The following CHN1 variants were observed in gnomAD, a reference collection of about 807,000 sequenced individuals.
The protein encoded by CHN1 is chimerin 1.
Under a neutral mutation model 59.5 loss-of-function variants are expected in CHN1, and 37 were observed. The observed-to-expected ratio is 0.62, with a 90% CI of 0.48 to 0.82. The LOEUF (loss-of-function observed/expected upper bound fraction) is 0.82. Ranked by LOEUF, CHN1 falls within the 40% of genes least tolerant of loss-of-function variation. CHN1 has a pLI of 0.00. For synonymous variants in CHN1, 206 were observed against 200.4 expected (o/e 1.03, Z -0.24); for missense variants, 469 against 571.0 (o/e 0.82, Z 1.82).
At chr2:174,961,122 A>AGGAAGGGAAGGGGGGG (rs1690385517) in intron 1 of CHN1, among the ~76,000 whole-genome samples, 1 of 124,954 alleles carries the variant, frequency 8.0e-6, no homozygotes, top group Non-Finnish European at 1.7e-5. Context: ...TGACGGAGGG[A>AGGAAGGGAAGGGGGGG]AGGAAGGAAG....
chr2:174,997,994 CAA>C (rs537594884), intron 1 of CHN1, among the ~76,000 whole-genome samples: 58 of 74,756 alleles, frequency 7.8e-4, no homozygotes, highest in Admixed American at 1.2e-3. Flanking sequence ...CTCGGGGGCG[CAA>C]AAAAAAAAAA....
At chr2:175,000,773 T>C (rs1327822678) in intron 1 of CHN1, among the ~76,000 whole-genome samples, 1 of 152,118 alleles carries the variant, frequency 6.6e-6, no homozygotes, top group Non-Finnish European at 1.5e-5. Context: ...TCTGTAGAGA[T>C]GGTATCTCCC....
At chr2:174,876,580 A>C (rs1011748166) in intron 6 of CHN1, among the ~76,000 whole-genome samples, 1 of 152,166 alleles carries the variant, frequency 6.6e-6, no homozygotes. Context: ...TAAAAAAACA[A>C]TTTTTATACA....
At chr2:174,846,484 T>C (rs1686520954) in intron 7 of CHN1, 2 of 1,456,740 alleles carry the variant, frequency 1.4e-6, no homozygotes, top group Admixed American at 2.8e-5. Context: ...CAACAGCACA[T>C]GCCTCTTATA....
chr2:174,824,909 C>T (rs1285406433), intron 7 of CHN1, among the ~76,000 whole-genome samples: 1 of 152,094 alleles, frequency 6.6e-6, no homozygotes, highest in African/African-American at 2.4e-5. Flanking sequence ...TGCACCCAGC[C>T]CATGGTTAGT....
chr2:174,835,864 T>TG (rs1269392371), intron 7 of CHN1, among the ~76,000 whole-genome samples: 1 of 152,204 alleles, frequency 6.6e-6, no homozygotes, highest in Admixed American at 6.5e-5. Flanking sequence ...GACTTCTTTC[T>TG]GTTTCTACTA....
At chr2:174,997,339 G>C (rs1691740609) in intron 1 of CHN1, among the ~76,000 whole-genome samples, 1 of 151,998 alleles carries the variant, frequency 6.6e-6, no homozygotes, top group Admixed American at 6.6e-5. Context: ...TCTTAGTAAA[G>C]CCCCACCCTC....
At chr2:174,924,538 C>G (rs1689114648) in intron 3 of CHN1, among the ~76,000 whole-genome samples, 1 of 152,052 alleles carries the variant, frequency 6.6e-6, no homozygotes, top group African/African-American at 2.4e-5. Flanking sequence ...CAGTATAGTC[C>G]AAAAATCCCA....
intron 1 of CHN1, among the ~76,000 whole-genome samples, chr2:174,964,885 G>A (rs369491736): frequency 6.6e-6 from 1 of 152,078 alleles, no homozygotes; most frequent in African/African-American, 2.4e-5. Context: ...TAAACTCAAA[G>A]GTATAGATTT....
chr2:174,864,959 T>A (rs996946362), intron 6 of CHN1, among the ~76,000 whole-genome samples: 1 of 152,152 alleles, frequency 6.6e-6, no homozygotes, highest in African/African-American at 2.4e-5. Flanking sequence ...AATCCTTTAT[T>A]TATTTATTGT....
At position 175,005,342 on chromosome 2, in the gene CHN1, C is replaced by A. The variant is rs1184849588; in HGVS notation, c.-430G>T. The A allele has an allele frequency of 4.3e-6, 5 of 1,156,540 alleles. No individual in the cohort carries two copies. In the African/African-American group the frequency reaches 6.6e-5, roughly 15 times the overall value. 71.6% of individuals were successfully genotyped at this position (1,156,540 alleles called of 1,614,324 possible). On this transcript the variant is annotated 5_prime_UTR_variant, in exon 1 of 13. Coordinates refer to ENST00000409900, the MANE Select transcript of CHN1 (RefSeq NM_001822.7). ...GGCGGGGCGCGCTCACTCCGCATCC[C>A]GCGGCCTCGCAGACGCCATCTTGCG... is the stretch of plus-strand genomic sequence containing the variant.
chr2:174,836,112 G>A (rs1166979412), intron 7 of CHN1, among the ~76,000 whole-genome samples: 2 of 152,084 alleles, frequency 1.3e-5, no homozygotes, highest in Non-Finnish European at 2.9e-5. Flanking sequence ...TAATCTCTTT[G>A]TCCTTCACTG....
At chr2:174,936,657 TA>T (rs1212954652) in intron 3 of CHN1, among the ~76,000 whole-genome samples, 1 of 152,150 alleles carries the variant, frequency 6.6e-6, no homozygotes, top group African/African-American at 2.4e-5. Flanking sequence ...ATCATATATT[TA>T]TATATACCTA....
At chr2:174,807,101 A>G (rs558925127) in intron 11 of CHN1, among the ~76,000 whole-genome samples, 9 of 152,328 alleles carry the variant, frequency 5.9e-5, no homozygotes, top group African/African-American at 1.9e-4. Flanking sequence ...CAGAAACTCC[A>G]TAACGATGAC....
intron 6 of CHN1, among the ~76,000 whole-genome samples, chr2:174,851,075 TTA>T (rs1453362282): frequency 6.6e-6 from 1 of 152,210 alleles, no homozygotes; most frequent in Non-Finnish European, 1.5e-5. Flanking sequence ...TTCTGCTACC[TTA>T]TGAGAGTAGT....
chr2:174,984,942 T>C (rs1311645705), intron 1 of CHN1, among the ~76,000 whole-genome samples: 1 of 152,216 alleles, frequency 6.6e-6, no homozygotes, highest in Admixed American at 6.5e-5. Context: ...AGAAAAAAAA[T>C]GAGTGCTTTC....
chr2:174,838,868 TG>T (rs1359274264), intron 7 of CHN1, among the ~76,000 whole-genome samples: 1 of 151,568 alleles, frequency 6.6e-6, no homozygotes, highest in African/African-American at 2.4e-5. Context: ...CACAAAAATG[TG>T]GTGTGTGTTT....
intron 9 of CHN1, 62 bp from the exon 10 acceptor site, chr2:174,811,650 A>C: frequency 9.9e-7 from 1 of 1,005,208 alleles, no homozygotes; most frequent in Non-Finnish European, 1.5e-6. Context: ...TTAACTCCTC[A>C]CACTTTAAGC....
At chr2:174,929,059 T>C (rs1403398327) in intron 3 of CHN1, among the ~76,000 whole-genome samples, 1 of 152,220 alleles carries the variant, frequency 6.6e-6, no homozygotes, top group African/African-American at 2.4e-5. Context: ...ACTCCATTTG[T>C]AGTAAGATAA....
Sources: allele counts gnomAD v4.1 joint callset (sites outside exome capture counted in the v4.1 genomes callset), GRCh38; gene constraint gnomAD v4.1.1; transcripts MANE v1.5; gene names NCBI Gene and HGNC (gene_info 2026-07-23, HGNC 2026-07-21).